The following TMEM144 variants were observed in gnomAD, a reference collection of about 807,000 sequenced individuals.
TMEM144 encodes transmembrane protein 144.
TMEM144 carries 39 observed loss-of-function variants against 43.6 expected under a neutral mutation model. That is an observed-to-expected ratio of 0.90 (90% confidence interval 0.69 to 1.17). TMEM144 has a LOEUF of 1.17. Among genes scored for constraint, TMEM144 ranks in the 50% most tolerant of loss-of-function variants. The pLI is 0.00. For missense variants in TMEM144, 417 were observed against 411.9 expected (o/e 1.01, Z -0.11); for synonymous variants, 154 against 133.6 (o/e 1.15, Z -1.06).
chr4:158,247,505 G>T (rs1210348395), intron 12 of TMEM144, among the ~76,000 whole-genome samples: 1 of 151,888 alleles, frequency 6.6e-6, no homozygotes, highest in Non-Finnish European at 1.5e-5. Flanking sequence ...AAATTTAAAA[G>T]AATCAGCTGA....
At chr4:158,229,697 T>A (rs978341738) in intron 6 of TMEM144, among the ~76,000 whole-genome samples, 1 of 152,096 alleles carries the variant, frequency 6.6e-6, no homozygotes, top group African/African-American at 2.4e-5. Context: ...AGGCTAGAGT[T>A]GTTGGAGTTC....
Position 158,240,359 on chromosome 4 carries a change from T to C in TMEM144, c.743T>C (p.Leu248Pro). Residue 248 changes from leucine to proline, a missense_variant, in exon 10 of 13, where the codon CTG becomes CCG. By Grantham distance (98) the Leu-to-Pro change is moderately conservative. Transcript: ENST00000296529. ...TTTCTTACAAGTACTGTCTACTTTC[T>C]GGCCTACTGCATAGCCATGAAAAAT... ...GIFLTSTVYF[L>P]AYCIAMKNSP... 6.2e-7 allele frequency: 1 copy of C among 1,614,040 alleles called. No homozygotes were observed. Among genetic ancestry groups the C allele is most frequent in the South Asian group, 1.1e-5 (1 of 91,066 alleles).
Position 158,244,627 on chromosome 4 carries a change from G to A in TMEM144, c.954+278G>A, listed in dbSNP as rs574997809. ...GGAGGTTGCAGTGAGTCAAGATCAC[G>A]CCACTGCCCTCCAGTCTGGGCAAAA... On this transcript the variant is annotated intron_variant, in intron 12 of 12. Transcript: ENST00000296529. Among the ~76,000 whole-genome samples, 6 of 152,222 alleles carry A rather than the reference G, an allele frequency of 3.9e-5. No homozygotes were observed. The East Asian group carries it at 5.8e-4, about 15-fold the overall frequency.
chr4:158,252,353 C>G (rs1458997386), intron 12 of TMEM144, among the ~76,000 whole-genome samples: 1 of 152,134 alleles, frequency 6.6e-6, no homozygotes, highest in African/African-American at 2.4e-5. Context: ...AGATCCATCT[C>G]CATCTCTCCA....
intron 11 of TMEM144, 84 bp from the exon 12 acceptor site, chr4:158,244,212 T>C: frequency 1.0e-6 from 1 of 987,282 alleles, no homozygotes. Flanking sequence ...AATATGTTTA[T>C]ACTGTCTCTA....
At chr4:158,247,650 A>C (rs903555009) in intron 12 of TMEM144, among the ~76,000 whole-genome samples, 3 of 152,118 alleles carry the variant, frequency 2.0e-5, no homozygotes, top group African/African-American at 7.2e-5. Context: ...AACCACAAAA[A>C]TTACATAAAA....
At position 158,244,327 on chromosome 4, in the gene TMEM144, T is replaced by G; in HGVS notation, c.932T>G (p.Ile311Ser). ...GGATTTATAGCTGCAATGTGGGGTA[T>G]CTTCATGTTTAAGGAAATAAAGGTA... The part of the protein sequence containing the change: ...GPGFIAAMWG[I>S]FMFKEIKGLQ... The change falls in exon 12 of 13, where the codon ATC becomes AGC. Residue 311 changes from isoleucine to serine, a missense_variant. By Grantham distance (142) the Ile-to-Ser change is moderately radical. Coordinates refer to ENST00000296529, the MANE Select transcript of TMEM144 (RefSeq NM_018342.5). The G allele has an allele frequency of 6.2e-7, 1 of 1,608,888 alleles. No individual in the cohort carries two copies.
At chr4:158,225,181 C>CATGGG (rs1734700859) in intron 6 of TMEM144, among the ~76,000 whole-genome samples, 1 of 152,216 alleles carries the variant, frequency 6.6e-6, no homozygotes, top group South Asian at 2.1e-4. Flanking sequence ...CGCCCTTAGA[C>CATGGG]ATGGGGGCCA....
chr4:158,245,861 A>G (rs1194578814), intron 12 of TMEM144, among the ~76,000 whole-genome samples: 3 of 152,104 alleles, frequency 2.0e-5, no homozygotes, highest in African/African-American at 7.2e-5. Context: ...TCAGGAGGTC[A>G]AGGCTGCAGC....
chr4:158,221,382 A>C (rs1734499923), intron 6 of TMEM144, among the ~76,000 whole-genome samples: 1 of 152,162 alleles, frequency 6.6e-6, no homozygotes. Context: ...TTCTCAAATG[A>C]TGCAAGTGCC....
rs952385333 is a variant in TMEM144 at position 158,252,836 on chromosome 4, A to G, written c.955-608A>G. 3.9e-5 allele frequency among the ~76,000 whole-genome samples: 6 copies of G among 152,044 alleles called. 1 individual carries two copies. The highest frequency in any genetic ancestry group is 3.3e-4 in the Admixed American group (5 of 15,260). The stretch of plus-strand genomic sequence containing the variant: ...AAAAAAAAAAAAGAAAAAAAGAAAA[A>G]AAAATAGAACCCAAAGCATAACAAG... On this transcript the variant is annotated intron_variant, in intron 12 of 12. Transcript: ENST00000296529.
chr4:158,254,224 A>C lies in TMEM144; in HGVS notation c.*697A>C, dbSNP rs1736360113. On this transcript the variant is annotated 3_prime_UTR_variant, in exon 13 of 13. Coordinates refer to ENST00000296529, the MANE Select transcript of TMEM144 (RefSeq NM_018342.5). ...TAACATAATACATACATACACAAGTATATTCACGTACATAAATACACACAG... is the reference window on the plus strand; with the variant it reads ...TAACATAATACATACATACACAAGTCTATTCACGTACATAAATACACACAG... 1.3e-5 allele frequency: 2 copies of C among 152,318 alleles called. No homozygotes were observed. The highest frequency in any genetic ancestry group is 2.1e-4 in the South Asian group (1 of 4,830). 9.4% of individuals were successfully genotyped at this position (152,318 alleles called of 1,614,324 possible). A position where few individuals can be genotyped will look rare whatever the true frequency, so the allele number is the denominator to read the frequency against.
chr4:158,230,962 A>G (rs2111126677), intron 6 of TMEM144, among the ~76,000 whole-genome samples: 1 of 152,356 alleles, frequency 6.6e-6, no homozygotes, highest in Admixed American at 6.5e-5. Context: ...AAGATTTGAC[A>G]GCCATGTAGA....
chr4:158,218,542 C>T (rs907826565), intron 5 of TMEM144, among the ~76,000 whole-genome samples: 12 of 152,058 alleles, frequency 7.9e-5, no homozygotes, highest in Admixed American at 2.6e-4. Context: ...TCCTCTTGCC[C>T]CTGGATGGTT....
At chr4:158,232,543 C>G (rs1735133941) in intron 6 of TMEM144, among the ~76,000 whole-genome samples, 1 of 152,208 alleles carries the variant, frequency 6.6e-6, no homozygotes, top group Non-Finnish European at 1.5e-5. Context: ...AGCGTTTGTC[C>G]AACTGAGGAT....
At chr4:158,246,438 T>C (rs1449362555) in intron 12 of TMEM144, among the ~76,000 whole-genome samples, 1 of 152,214 alleles carries the variant, frequency 6.6e-6, no homozygotes, top group East Asian at 1.9e-4. Flanking sequence ...TCAATCATTG[T>C]AAATGAAATA....
Position 158,235,517 on chromosome 4 carries a change from T to A in TMEM144, c.563+12T>A. 1 of 1,606,696 alleles carries A rather than the reference T, an allele frequency of 6.2e-7. No individual in the cohort carries two copies. Among genetic ancestry groups the A allele is most frequent in the South Asian group, 1.1e-5 (1 of 89,596 alleles). ...CACCACCGCATAGTGTAAGGAGAGG[T>A]TACTTCTTTGCTCTATTACTCTGTT... On this transcript the variant is annotated intron_variant, in intron 8 of 12. Coordinates refer to ENST00000296529, the MANE Select transcript of TMEM144 (RefSeq NM_018342.5).
At chr4:158,246,132 CT>C (rs1735882814) in intron 12 of TMEM144, among the ~76,000 whole-genome samples, 2 of 152,136 alleles carry the variant, frequency 1.3e-5, no homozygotes, top group South Asian at 4.2e-4. Context: ...AATGTTTAAT[CT>C]TTTTTTAAAA....
intron 6 of TMEM144, among the ~76,000 whole-genome samples, chr4:158,232,230 G>GA (rs1735117623): frequency 6.6e-6 from 1 of 152,174 alleles, no homozygotes; most frequent in Non-Finnish European, 1.5e-5. Flanking sequence ...ATGTTAAAGG[G>GA]AAAAATGTCA....
Sources: allele counts gnomAD v4.1 joint callset (sites outside exome capture counted in the v4.1 genomes callset), GRCh38; gene constraint gnomAD v4.1.1; transcripts MANE v1.5; gene names NCBI Gene and HGNC (gene_info 2026-07-23, HGNC 2026-07-21).